The following FBXO31 variants were observed in gnomAD, a reference collection of about 807,000 sequenced individuals.
FBXO31 encodes F-box only protein 31.
In FBXO31, 24 loss-of-function variants were observed where a neutral mutation model predicts 54.4. The observed-to-expected ratio is 0.44, with a 90% CI of 0.32 to 0.62. The LOEUF (loss-of-function observed/expected upper bound fraction) is 0.62, where lower values mean the gene tolerates loss of function less well. Ranked by LOEUF, FBXO31 falls within the 20% of genes least tolerant of loss-of-function variation. The probability of loss-of-function intolerance (pLI) is 0.05; values close to 1 mark genes in which losing one functional copy is unlikely to be tolerated. For synonymous variants in FBXO31, 388 were observed against 335.6 expected, an observed-to-expected ratio of 1.16 and a Z score of -1.71; for missense variants, 665 against 787.1, an observed-to-expected ratio of 0.84 and a Z score of 1.86.
chr16:87,336,021 C>G lies in FBXO31; in HGVS notation c.842+134G>C, dbSNP rs1325053889. The G allele has an allele frequency of 3.0e-6, 2 of 660,938 alleles. No homozygotes were observed. Among genetic ancestry groups the G allele is most frequent in the East Asian group, 5.6e-5 (2 of 35,534 alleles). 40.9% of individuals were successfully genotyped at this position (660,938 alleles called of 1,614,324 possible). ...GAGAGAGGGGCTGTACTCCCAGCCCCCAGCAGGAGAGAGGGCTGAACCCCA... is the reference window on the plus strand; with the variant it reads ...GAGAGAGGGGCTGTACTCCCAGCCCGCAGCAGGAGAGAGGGCTGAACCCCA... On this transcript the variant is annotated intron_variant, in intron 6 of 8. Coordinates refer to ENST00000311635, the MANE Select transcript of FBXO31 (RefSeq NM_024735.5). The surrounding 1 kb of genome is among the most constrained non-coding windows in gnomAD (Gnocchi z 6.5).
At chr16:87,380,542 CCAT>C (rs924469060) in intron 1 of FBXO31, among the ~76,000 whole-genome samples, 23 of 152,284 alleles carry the variant, frequency 1.5e-4, no homozygotes, top group African/African-American at 5.5e-4. Context: ...GCACGCACCA[CCAT>C]GACTGGCTAA....
intron 2 of FBXO31, among the ~76,000 whole-genome samples, chr16:87,348,806 G>A (rs997439411): frequency 3.0e-4 from 45 of 152,332 alleles, no homozygotes; most frequent in African/African-American, 1.1e-3. Flanking sequence ...ACCAGCGCAG[G>A]GTGGAGAAGC....
upstream of FBXO31, chr16:87,391,978 C>T (rs2150707398): frequency 6.2e-6 from 1 of 161,188 alleles, no homozygotes; most frequent in South Asian, 2.0e-4. Context: ...GACACCCCGC[C>T]TGTGGCTCAG....
chr16:87,343,508 C>A (rs982937557), intron 4 of FBXO31, 90 bp downstream of exon 4: 6 of 1,468,740 alleles, frequency 4.1e-6, no homozygotes, highest in Admixed American at 4.2e-5. Flanking sequence ...CAGCCCAGGT[C>A]TGCAGCTGAG....
chr16:87,380,014 A>AG (rs1331747521), intron 1 of FBXO31, among the ~76,000 whole-genome samples: 1 of 150,992 alleles, frequency 6.6e-6, no homozygotes, highest in East Asian at 2.0e-4. Flanking sequence ...AAAAAAAAAA[A>AG]AAAGGCCTGC....
chr16:87,369,067 G>A (rs547458040), intron 1 of FBXO31, among the ~76,000 whole-genome samples: 2 of 152,270 alleles, frequency 1.3e-5, no homozygotes, highest in South Asian at 4.2e-4. Context: ...AGGAATACAG[G>A]CGTGAACCAC....
rs1597359483 is a variant in FBXO31, at chr16:87,338,019, C to A, written c.733-1755G>T. ...AAATAACAGATAGAAACAAAAGTAA[C>A]TGAATGTAATGAACAAAGATTTCAA... On this transcript the variant is annotated intron_variant, in intron 5 of 8. Coordinates refer to ENST00000311635, the MANE Select transcript of FBXO31 (RefSeq NM_024735.5). The surrounding 1 kb of genome is among the most constrained non-coding windows in gnomAD (Gnocchi z 4.3). Among the ~76,000 whole-genome samples the A allele has an allele frequency of 6.6e-6, 1 of 152,202 alleles. No homozygotes were observed. Among genetic ancestry groups the A allele is most frequent in the East Asian group, 1.9e-4 (1 of 5,180 alleles).
chr16:87,368,386 T>C (rs957629762), intron 1 of FBXO31, among the ~76,000 whole-genome samples: 2 of 152,220 alleles, frequency 1.3e-5, no homozygotes, highest in African/African-American at 4.8e-5. Context: ...TTCTCATAAG[T>C]CATCAAGGGA....
rs576581992 is a variant in FBXO31 at position 87,333,196 on chromosome 16, A to G, written c.1397+690T>C. Among the ~76,000 whole-genome samples the G allele has an allele frequency of 2.0e-5, 3 of 152,374 alleles. No individual in the cohort carries two copies. In the East Asian group the frequency reaches 5.8e-4, roughly 29 times the overall value. On this transcript the variant is annotated intron_variant, in intron 8 of 8. Coordinates refer to ENST00000311635, the MANE Select transcript of FBXO31 (RefSeq NM_024735.5). ...CAGACAAAACTGTATAAAAAAAGTC[A>G]GCGAGACAGGAGCTGGCAGCTGTGC...
upstream of FBXO31, among the ~76,000 whole-genome samples, chr16:87,390,252 G>T (rs1316437907): frequency 1.3e-5 from 2 of 152,090 alleles, no homozygotes; most frequent in Non-Finnish European, 2.9e-5. Flanking sequence ...CTGCACTCCA[G>T]CCTGGGCAAC....
rs1384232134 is a variant in FBXO31, at chr16:87,336,967, G to A, written c.733-703C>T. On this transcript the variant is annotated intron_variant, in intron 5 of 8. Coordinates refer to ENST00000311635, the MANE Select transcript of FBXO31 (RefSeq NM_024735.5). This position sits in a 1 kb window ranked among gnomAD's most constrained non-coding sequence, Gnocchi z 6.5. Reference sequence around the variant, plus strand: ...ATACAGTGTTTCCAGTCATTATCTAGACCTAACTCTGAAAGGGACGCATAA... The same window carrying A: ...ATACAGTGTTTCCAGTCATTATCTAAACCTAACTCTGAAAGGGACGCATAA... Among the ~76,000 whole-genome samples, 1 of 152,060 alleles carries A rather than the reference G, an allele frequency of 6.6e-6. No individual in the cohort carries two copies. Among genetic ancestry groups the A allele is most frequent in the African/African-American group, 2.4e-5 (1 of 41,382 alleles).
rs766837896 is a variant in FBXO31, at chr16:87,343,811, G to C, written c.490-46C>G. ...AGGTCCATGAGTGGCTCCCGGGCCA[G>C]AGCAAGGGCGGCCCCGCACGGCTCC... On this transcript the variant is annotated intron_variant, in intron 3 of 8. Transcript: ENST00000311635. 5.6e-6 allele frequency: 9 copies of C among 1,606,190 alleles called. No homozygotes were observed. The East Asian group carries it at 1.8e-4, about 32-fold the overall frequency.
intron 1 of FBXO31, among the ~76,000 whole-genome samples, chr16:87,362,936 G>A (rs922606861): frequency 1.3e-5 from 2 of 152,182 alleles, no homozygotes; most frequent in Non-Finnish European, 2.9e-5. Context: ...CTACAAACAG[G>A]CCTGGGGACC....
intron 1 of FBXO31, among the ~76,000 whole-genome samples, chr16:87,364,272 G>C (rs1315455740): frequency 6.6e-6 from 1 of 152,232 alleles, no homozygotes; most frequent in Non-Finnish European, 1.5e-5. Context: ...AGGGAAACGT[G>C]TCACCAGGAC....
intron 2 of FBXO31, among the ~76,000 whole-genome samples, chr16:87,357,938 TGTTGCTACCTGCCTTTG>T (rs1439052914): frequency 6.6e-6 from 1 of 151,814 alleles, no homozygotes; most frequent in Admixed American, 6.6e-5. Flanking sequence ...AGGAGTCAAC[TGTTGCTACCTGCCTTTG>T]TCTATTGAGG....
chr16:87,350,532 T>C (rs770770608), intron 2 of FBXO31, among the ~76,000 whole-genome samples: 4 of 152,126 alleles, frequency 2.6e-5, no homozygotes, highest in Non-Finnish European at 5.9e-5. Flanking sequence ...ATCTTGACAA[T>C]GAAATGCACA....
At chr16:87,361,411 G>C (rs868413981) in intron 1 of FBXO31, among the ~76,000 whole-genome samples, 4 of 152,354 alleles carry the variant, frequency 2.6e-5, no homozygotes, top group Middle Eastern at 6.8e-3. Context: ...GACGGGACGA[G>C]GTGGCTGGGT....
chr16:87,336,086 G>A lies in FBXO31; in HGVS notation c.842+69C>T, dbSNP rs1049336117. 25 of 1,365,576 alleles carry A rather than the reference G, an allele frequency of 1.8e-5. No homozygotes were observed. Among genetic ancestry groups the A allele is most frequent in the African/African-American group, 4.3e-5 (3 of 69,806 alleles). The allele number at this position is 1,365,576 out of a possible 1,614,324, so 84.6% of individuals were successfully genotyped here. On this transcript the variant is annotated intron_variant, in intron 6 of 8. Transcript: ENST00000311635. The surrounding 1 kb of genome is among the most constrained non-coding windows in gnomAD (Gnocchi z 6.5). Reference sequence around the variant, plus strand: ...AAAGGACTATGCCCCAGCACCCACCGGGACAGGGCTGGTCCCCAGCACACA... The same window carrying A: ...AAAGGACTATGCCCCAGCACCCACCAGGACAGGGCTGGTCCCCAGCACACA...
upstream of FBXO31, among the ~76,000 whole-genome samples, chr16:87,384,590 C>T (rs1907260433): frequency 1.3e-5 from 2 of 152,190 alleles, no homozygotes; most frequent in African/African-American, 4.8e-5. Context: ...CGGGTGGTGA[C>T]CGCGAAGGCG....
Sources: gnomAD v4.1 joint callset for allele counts (sites outside exome capture counted in the v4.1 genomes callset) on GRCh38, gnomAD v4.1.1 for gene constraint, Gnocchi (gnomAD v3.1) non-coding constraint, MANE v1.5 for transcripts, NCBI Gene and HGNC (gene_info 2026-07-23, HGNC 2026-07-21) for gene names.